The following SNED1 variants were observed in gnomAD, a reference collection of about 807,000 sequenced individuals.
SNED1 encodes the protein sushi, nidogen and EGF-like domain-containing protein 1.
A neutral mutation model predicts 166.7 loss-of-function variants in SNED1; 81 were observed. The observed-to-expected ratio is 0.49, with a 90% CI of 0.41 to 0.58. The LOEUF (loss-of-function observed/expected upper bound fraction) is 0.58, where lower values mean the gene tolerates loss of function less well. SNED1 is among the 20% of genes least tolerant of loss of function. The pLI is 0.00. For missense variants in SNED1, 1,604 were observed against 2,000.2 expected, an observed-to-expected ratio of 0.80 and a Z score of 3.78; for synonymous variants, 762 against 822.0, an observed-to-expected ratio of 0.93 and a Z score of 1.25.
Position 241,083,007 on chromosome 2 carries a change from G to A in SNED1, c.4121+643G>A, listed in dbSNP as rs2063403028. Among the ~76,000 whole-genome samples, 5 of 152,364 alleles carry A rather than the reference G, an allele frequency of 3.3e-5. No homozygotes were observed. The South Asian group carries it at 1.0e-3, about 32-fold the overall frequency. On this transcript the variant is annotated intron_variant, in intron 29 of 31. Coordinates refer to ENST00000310397, the MANE Select transcript of SNED1 (RefSeq NM_001080437.3). Reference sequence around the variant, plus strand: ...TAGATACTCAGCACACATCAGAACAGAGCAGACCAAAGCCCTGCCTTCAGG... The same window carrying A: ...TAGATACTCAGCACACATCAGAACAAAGCAGACCAAAGCCCTGCCTTCAGG...
At chr2:241,048,841 C>T (rs2061742889) in intron 10 of SNED1, 75 bp downstream of exon 10, 2 of 1,345,320 alleles carry the variant, frequency 1.5e-6, no homozygotes, top group Non-Finnish European at 1.0e-6. Flanking sequence ...TGGCTTCGGC[C>T]GGGGTCCGTA....
chr2:241,076,905 C>T (rs1300125349), intron 27 of SNED1, among the ~76,000 whole-genome samples: 1 of 152,138 alleles, frequency 6.6e-6, no homozygotes, highest in Non-Finnish European at 1.5e-5. Flanking sequence ...TGGTGAAACC[C>T]CGTCTCTACT....
chr2:241,049,084 C>A lies in SNED1; in HGVS notation c.1567C>A (p.His523Asn). ...CCCAGATGGGGGCTACTGCATGGAG[C>A]ACGGCGGGAGCTACCTCTGCGTCTG... ...QCPDGGYCME[H>N]GGSYLCVCHT... Residue 523 changes from histidine to asparagine, a missense_variant, in exon 11 of 32, where the codon CAC becomes AAC. By Grantham distance (68) the His-to-Asn change is moderately conservative (BLOSUM62 1). This residue lies in a region of SNED1 where 1,237 missense variants were observed against 1,620.8 expected (regional missense o/e 0.76). Transcript: ENST00000310397. 6.2e-7 allele frequency: 1 copy of A among 1,613,340 alleles called. No homozygotes were observed. Among genetic ancestry groups the A allele is most frequent in the African/African-American group, 1.3e-5 (1 of 75,052 alleles).
intron 16 of SNED1, 25 bp downstream of exon 16, chr2:241,053,351 G>A (rs1376092931): frequency 6.5e-7 from 1 of 1,539,642 alleles, no homozygotes; most frequent in Non-Finnish European, 8.8e-7. Flanking sequence ...CCTTGGGGTG[G>A]GGCAGGTGGG....
Position 241,048,921 on chromosome 2 carries a change from T to C in SNED1, c.1505-101T>C, listed in dbSNP as rs142922644. On this transcript the variant is annotated intron_variant, in intron 10 of 31. Transcript: ENST00000310397. ...CTGGCCACAAGAGTGCCTGAACCTGTTGGGGCCACTGGGTCTTGGGAGGCC... is the reference window on the plus strand; with the variant it reads ...CTGGCCACAAGAGTGCCTGAACCTGCTGGGGCCACTGGGTCTTGGGAGGCC... 9.0e-3 allele frequency: 11,178 copies of C among 1,236,972 alleles called. 71 individuals are homozygous for C. The highest frequency in any genetic ancestry group is 0.011 in the Non-Finnish European group (9,951 of 868,792). The allele number at this position is 1,236,972 out of a possible 1,614,324, so 76.6% of individuals were successfully genotyped here. A position where few individuals can be genotyped will look rare whatever the true frequency, so the allele number is the denominator to read the frequency against.
chr2:241,037,549 G>T (rs2061412178), intron 6 of SNED1, among the ~76,000 whole-genome samples, 196 bp downstream of exon 6: 1 of 152,194 alleles, frequency 6.6e-6, no homozygotes, highest in African/African-American at 2.4e-5. Context: ...GGGGGCAGGA[G>T]CCATGACCAG....
At chr2:241,080,367 T>C (rs1416376276) in intron 27 of SNED1, among the ~76,000 whole-genome samples, 1 of 152,212 alleles carries the variant, frequency 6.6e-6, no homozygotes, top group Non-Finnish European at 1.5e-5. Flanking sequence ...AATGTGTTTA[T>C]TTTTTAAAGA....
At chr2:241,012,813 T>G (rs964184822) in intron 1 of SNED1, among the ~76,000 whole-genome samples, 2 of 137,414 alleles carry the variant, frequency 1.5e-5, no homozygotes, top group Admixed American at 7.4e-5. Flanking sequence ...GGCAGTACTG[T>G]GTTTTTTTTT....
At chr2:241,074,961 T>A (rs553204475) in intron 27 of SNED1, 1 of 152,270 alleles carries the variant, frequency 6.6e-6, no homozygotes, top group South Asian at 2.1e-4. Flanking sequence ...ATGGTACATA[T>A]ATGTATGGCA....
At chr2:241,015,088 G>T (rs1003990184) in intron 1 of SNED1, among the ~76,000 whole-genome samples, 1 of 152,156 alleles carries the variant, frequency 6.6e-6, no homozygotes, top group African/African-American at 2.4e-5. Context: ...TGGTTATTTT[G>T]GACTTTGCAT....
At position 241,048,381 on chromosome 2, in the gene SNED1, C is replaced by A. The variant is rs200054939; in HGVS notation, c.1340C>A (p.Ala447Glu). ...PCHNGGTCVDADQGYVCECPE... is the reference protein window; with the variant it reads ...PCHNGGTCVDEDQGYVCECPE... ...CACAATGGGGGCACCTGTGTGGATG[C>A]GGACCAGGGCTACGTGTGCGAGTGC... The change falls in exon 9 of 32, where the codon GCG (alanine) becomes GAG (glutamate). Residue 447 changes from alanine to glutamate, a missense_variant. Physicochemically the swap from Ala to Glu is moderately radical, Grantham distance 107. Around this residue, in one of 2 missense-constraint regions of SNED1, gnomAD observed 1,237 missense variants for 1,620.8 expected, o/e 0.76. Coordinates refer to ENST00000310397, the MANE Select transcript of SNED1 (RefSeq NM_001080437.3). The A allele has an allele frequency of 1.2e-5, 19 of 1,611,160 alleles. No homozygotes were observed. Among genetic ancestry groups the A allele is most frequent in the Middle Eastern group, 1.6e-4 (1 of 6,074 alleles).
At chr2:241,088,265 T>C in intron 30 of SNED1, 100 bp from the exon 31 acceptor site, 1 of 840,408 alleles carries the variant, frequency 1.2e-6, no homozygotes, top group South Asian at 1.4e-5. Context: ...GTATGTGAGC[T>C]AAAGACAGGA....
At chr2:241,090,551 A>G (rs565541359) in intron 31 of SNED1, 4 of 1,331,370 alleles carry the variant, frequency 3.0e-6, no homozygotes, top group South Asian at 3.2e-5. Flanking sequence ...CTAGACTTCT[A>G]TACACAGGGC....
chr2:241,028,034 G>C (rs891427952), intron 1 of SNED1, among the ~76,000 whole-genome samples: 2 of 152,132 alleles, frequency 1.3e-5, no homozygotes, highest in Non-Finnish European at 2.9e-5. Flanking sequence ...CGCCGGGCCA[G>C]GTTTGTTTTT....
In SNED1 at chr2:241,075,698, T is replaced by C. The variant is rs543850969; in HGVS notation, c.3916+2334T>C. ...GTGGTACTTCCTAATAGAGAAAAGT[T>C]CATAATCAAATTTATCAAGCATTAG... On this transcript the variant is annotated intron_variant, in intron 27 of 31. Coordinates refer to ENST00000310397, the MANE Select transcript of SNED1 (RefSeq NM_001080437.3). The surrounding 1 kb of genome is among the most constrained non-coding windows in gnomAD (Gnocchi z 4.8). The C allele has an allele frequency of 2.6e-5, 4 of 152,274 alleles. No homozygotes were observed. The highest frequency in any genetic ancestry group is 1.3e-4 in the Admixed American group (2 of 15,306). 9.4% of individuals were successfully genotyped at this position (152,274 alleles called of 1,614,324 possible). A position where few individuals can be genotyped will look rare whatever the true frequency, so the allele number is the denominator to read the frequency against.
At chr2:241,034,385 C>T (rs1045495396) in intron 3 of SNED1, among the ~76,000 whole-genome samples, 183 bp from the exon 4 acceptor site, 5 of 152,194 alleles carry the variant, frequency 3.3e-5, no homozygotes, top group South Asian at 2.1e-4. Flanking sequence ...GGTGAGCTGC[C>T]GGAGGACTGG....
chr2:241,012,800 C>T (rs1018967459), intron 1 of SNED1, among the ~76,000 whole-genome samples: 2 of 150,258 alleles, frequency 1.3e-5, no homozygotes, highest in African/African-American at 4.9e-5. Context: ...TTCAATTAAA[C>T]GAGGCAGTAC....
chr2:241,068,980 C>A lies in SNED1; in HGVS notation c.3264C>A (p.His1088Gln), dbSNP rs1404462699. ...TCAGTGGGCTCAGGGGAGAGGAGCA[C>A]CCCACAGAGAGCCTGGCCACCGCGC... ...TTLSGLRGEE[H>Q]PTESLATAPT... The change falls in exon 23 of 32, where the codon CAC becomes CAA. Residue 1088 changes from histidine to glutamine, a missense_variant. His to Gln is a conservative substitution (Grantham distance 24). Transcript: ENST00000310397. The surrounding 1 kb of genome is among the most constrained non-coding windows in gnomAD (Gnocchi z 5.3). 5 of 1,556,636 alleles carry A rather than the reference C, an allele frequency of 3.2e-6. No homozygotes were observed. The highest frequency in any genetic ancestry group is 3.9e-5 in the Admixed American group (2 of 51,700).
chr2:241,080,207 C>G (rs1277205045), intron 27 of SNED1, among the ~76,000 whole-genome samples: 1 of 152,098 alleles, frequency 6.6e-6, no homozygotes, highest in East Asian at 1.9e-4. Flanking sequence ...TCACTTGAAC[C>G]CAGGAGGCAG....
Sources: allele counts gnomAD v4.1 joint callset (sites outside exome capture counted in the v4.1 genomes callset), GRCh38; gene constraint gnomAD v4.1.1; regional missense constraint gnomAD v4.1.1; non-coding constraint Gnocchi (gnomAD v3.1); transcripts MANE v1.5; gene names NCBI Gene and HGNC (gene_info 2026-07-23, HGNC 2026-07-21).